LARS1: variants seen among roughly 807,000 people sequenced by gnomAD.
LARS1 encodes leucyl-tRNA synthetase 1, also known as leucine--tRNA ligase, cytoplasmic.
LARS1 carries 100 observed loss-of-function variants against 162.8 expected under a neutral mutation model. The ratio of observed to expected loss-of-function variants is 0.61; its 90% CI spans 0.52 to 0.73. The LOEUF is 0.73. Ranked by LOEUF, LARS1 falls within the 30% of genes least tolerant of loss-of-function variation. The pLI is 0.00. For synonymous variants in LARS1, 457 were observed against 462.8 expected, an observed-to-expected ratio of 0.99 and a Z score of 0.16; for missense variants, 1,258 against 1,408.9, an observed-to-expected ratio of 0.89 and a Z score of 1.71.
rs148067093 is a variant in LARS1, at chr5:146,159,615, T to A, written c.708-145A>T. The stretch of plus-strand genomic sequence containing the variant: ...TCTGTGTCTATTATGTGTACTCTTA[T>A]GGTAGTTCCACTGTCAACCTACTTA... On this transcript the variant is annotated intron_variant, in intron 7 of 31. Coordinates refer to ENST00000394434, the MANE Select transcript of LARS1 (RefSeq NM_020117.11). 1.4e-3 allele frequency: 864 copies of A among 602,718 alleles called. 5 individuals carry two copies. Among genetic ancestry groups the A allele is most frequent in the African/African-American group, 0.014 (738 of 53,692 alleles). The allele number at this position is 602,718 out of a possible 1,614,324, so 37.3% of individuals were successfully genotyped here.
At chr5:146,120,294 T>C (rs1751758252) in intron 31 of LARS1, 77 bp downstream of exon 31, 8 of 1,493,672 alleles carry the variant, frequency 5.4e-6, no homozygotes, top group Non-Finnish European at 6.4e-6. Context: ...AGCCGGTTTC[T>C]TTTCTTTTTC....
Position 146,128,509 on chromosome 5 carries a change from TTTA to T in LARS1, c.2880+160_2880+162del, listed in dbSNP as rs1581014336. On this transcript the variant is annotated intron_variant, in intron 27 of 31. Transcript: ENST00000394434. ...ACAGCAGCTTTTCCCTCAGCATCCA[TTTA>T]AGAGCCACCAAGAATAACAAAAGGA... 3.9e-5 allele frequency among the ~76,000 whole-genome samples: 6 copies of T among 151,962 alleles called. No individual in the cohort carries two copies. In the East Asian group the frequency reaches 1.2e-3, roughly 29 times the overall value.
chr5:146,135,486 T>C, intron 22 of LARS1, 115 bp downstream of exon 22: 1 of 713,938 alleles, frequency 1.4e-6, no homozygotes, highest in Non-Finnish European at 2.3e-6. Flanking sequence ...ATTAAGATTT[T>C]AAAATTTTGT....
intron 4 of LARS1, among the ~76,000 whole-genome samples, chr5:146,170,652 T>G (rs1172865294): frequency 6.6e-6 from 1 of 152,112 alleles, no homozygotes; most frequent in Non-Finnish European, 1.5e-5. Flanking sequence ...TATTTAGCAA[T>G]GACACGTCAT....
chr5:146,157,698 A>G, intron 9 of LARS1, 30 bp downstream of exon 9: 1 of 1,613,484 alleles, frequency 6.2e-7, no homozygotes, highest in Non-Finnish European at 8.5e-7. Context: ...TGGTTCAGAA[A>G]TGATAAAGCA....
Position 146,168,181 on chromosome 5 carries a change from T to C in LARS1, c.379A>G (p.Thr127Ala), listed in dbSNP as rs774644755. The C allele has an allele frequency of 6.2e-7, 1 of 1,612,182 alleles. No individual in the cohort carries two copies. The highest frequency in any genetic ancestry group is 2.2e-5 in the East Asian group (1 of 44,866). The change falls in exon 5 of 32, where the codon ACC becomes GCC. Residue 127 changes from threonine to alanine, a missense_variant. Coordinates refer to ENST00000394434, the MANE Select transcript of LARS1 (RefSeq NM_020117.11). ...FPDEEEEEEE[T>A]SVKTEDIIIK... Reference sequence around the variant, plus strand: ...ATTATATCTTCTGTTTTAACACTGGTTTCTTCCTCTTCCTCTTCTTCATCT... The same window carrying C: ...ATTATATCTTCTGTTTTAACACTGGCTTCTTCCTCTTCCTCTTCTTCATCT...
chr5:146,136,339 GAAT>G (rs1430688749), intron 21 of LARS1, among the ~76,000 whole-genome samples: 1 of 151,402 alleles, frequency 6.6e-6, no homozygotes, highest in Non-Finnish European at 1.5e-5. Context: ...GTTCTAACAA[GAAT>G]AATAAATGTA....
At chr5:146,130,957 G>C (rs1179149498) in intron 24 of LARS1, 62 bp downstream of exon 24, 3 of 911,616 alleles carry the variant, frequency 3.3e-6, no homozygotes, top group Non-Finnish European at 3.3e-6. Flanking sequence ...AGAAAAAAGG[G>C]GGAAAATACA....
chr5:146,148,846 C>A (rs188205929), intron 15 of LARS1, among the ~76,000 whole-genome samples: 3 of 152,072 alleles, frequency 2.0e-5, no homozygotes, highest in Non-Finnish European at 4.4e-5. Flanking sequence ...GAGGCCAAGG[C>A]GAGTGGATCA....
rs1009875211 is a variant in LARS1, at chr5:146,177,866, G to A, written c.7-201C>T. On this transcript the variant is annotated intron_variant, in intron 1 of 31. Transcript: ENST00000394434. ...TGTAATCCCAGCACTTTGGGAGGCC[G>A]AGGCGGGTGGATTGCTTGAGGTCAG... 7.9e-5 allele frequency among the ~76,000 whole-genome samples: 12 copies of A among 152,240 alleles called. 1 individual carries two copies. In the South Asian group the frequency reaches 2.3e-3, roughly 29 times the overall value.
intron 31 of LARS1, among the ~76,000 whole-genome samples, chr5:146,118,704 G>C (rs1246901752): frequency 3.9e-5 from 6 of 152,188 alleles, no homozygotes; most frequent in Non-Finnish European, 7.4e-5. Context: ...CCAGGGACTG[G>C]AGGGAAGGAG....
chr5:146,182,237 G>A (rs995002726), intron 1 of LARS1: 1 of 547,554 alleles, frequency 1.8e-6, no homozygotes, highest in Non-Finnish European at 3.3e-6. Flanking sequence ...CACCGTGCCC[G>A]GCTCTCCACC....
At chr5:146,181,940 A>G (rs1485518281) in intron 1 of LARS1, among the ~76,000 whole-genome samples, 1 of 93,692 alleles carries the variant, frequency 1.1e-5, no homozygotes, top group Non-Finnish European at 2.1e-5. Context: ...TTGTTTGTTT[A>G]TTTATTTATT....
chr5:146,135,609 G>C lies in LARS1; in HGVS notation c.2204C>G (p.Ser735Ter). The change falls in exon 22 of 32, where the codon TCA becomes TGA. Residue 735 changes from serine (S) to a stop codon, truncating the protein, a stop_gained. Transcript: ENST00000394434. LOFTEE classifies it high-confidence loss of function. ...GAAAAATGTTTACTCACCATCTGCT[G>C]AAAATTTGTCAATAGCTTGGGTCAA... ...LTLTQAIDKFSADGMRLALAD... is the reference protein window; with the variant it reads ...LTLTQAIDKF 1 of 1,603,978 alleles carries C rather than the reference G, an allele frequency of 6.2e-7. No individual in the cohort carries two copies. The highest frequency in any genetic ancestry group is 2.2e-5 in the East Asian group (1 of 44,532).
intron 14 of LARS1, among the ~76,000 whole-genome samples, chr5:146,151,522 TTAACTAAAAGAGCA>T (rs1753289104): frequency 6.6e-6 from 1 of 152,204 alleles, no homozygotes; most frequent in Non-Finnish European, 1.5e-5. Context: ...TATGAACTCC[TTAACTAAAAGAGCA>T]AAAGAAGGGA....
chr5:146,168,288 T>C (rs1403615756), intron 4 of LARS1, 23 bp from the exon 5 acceptor site: 6 of 1,577,770 alleles, frequency 3.8e-6, no homozygotes, highest in Middle Eastern at 1.7e-4. Flanking sequence ...TTAGAGATAA[T>C]GAAGTTCAAA....
intron 6 of LARS1, 25 bp from the exon 7 acceptor site, chr5:146,160,511 C>A: frequency 7.8e-7 from 1 of 1,276,844 alleles, no homozygotes; most frequent in Admixed American, 2.8e-5. Flanking sequence ...TTTTAAAAGG[C>A]AATTACTGAG....
At chr5:146,170,469 CA>C (rs34201197) in intron 4 of LARS1, among the ~76,000 whole-genome samples, 36,576 of 130,732 alleles carry the variant, frequency 0.28, 4,778 homozygotes, top group Admixed American at 0.38. Flanking sequence ...GATTCCGTCT[CA>C]AAAAAAAAAA....
chr5:146,142,841 A>G, intron 20 of LARS1, 31 bp downstream of exon 20: 1 of 1,545,670 alleles, frequency 6.5e-7, no homozygotes. Flanking sequence ...GACAATCAAT[A>G]AATCTAGTCC....
Sources: gnomAD v4.1 joint callset for allele counts (sites outside exome capture counted in the v4.1 genomes callset) on GRCh38, gnomAD v4.1.1 for gene constraint, MANE v1.5 for transcripts, NCBI Gene and HGNC (gene_info 2026-07-23, HGNC 2026-07-21) for gene names.